Variants in ZDHHC15 observed in about 807,000 individuals in gnomAD.
ZDHHC15 encodes palmitoyltransferase ZDHHC15.
ZDHHC15 carries 19 observed loss-of-function variants against 31.7 expected under a neutral mutation model. The observed-to-expected ratio is 0.60, with a 90% confidence interval of 0.42 to 0.88. ZDHHC15 has a LOEUF of 0.88. ZDHHC15 is among the 40% of genes least tolerant of loss of function. The pLI is 0.00. For synonymous variants in ZDHHC15, 103 were observed against 90.0 expected (o/e 1.14, Z -0.82); for missense variants, 209 against 251.2 (o/e 0.83, Z 1.14).
chrX:75,436,662 G>A (rs2083855658), intron 4 of ZDHHC15, among the ~76,000 whole-genome samples: 1 of 111,963 alleles, frequency 8.9e-6, no homozygotes, highest in Non-Finnish European at 1.9e-5. Context: ...CCTACTAAAG[G>A]TGATTTCCAA....
At chrX:75,450,193 T>C (rs1357415448) in intron 4 of ZDHHC15, among the ~76,000 whole-genome samples, 3 of 111,974 alleles carry the variant, frequency 2.7e-5, no homozygotes. Flanking sequence ...ATGTACTCTG[T>C]GATTCCAATT....
At chrX:75,522,770 G>C in intron 1 of ZDHHC15, 119 bp downstream of exon 1, 1 of 987,587 alleles carries the variant, frequency 1.0e-6, no homozygotes, top group Middle Eastern at 2.9e-4. Flanking sequence ...ACTCTCCAGG[G>C]AGAGAAAGGA....
intron 2 of ZDHHC15, among the ~76,000 whole-genome samples, chrX:75,486,704 C>T: frequency 9.0e-6 from 1 of 111,513 alleles, no homozygotes; most frequent in Admixed American, 9.5e-5. Flanking sequence ...TGAGGCCTGT[C>T]ACTGCTGGCT....
chrX:75,485,613 C>T (rs190354548), intron 2 of ZDHHC15, among the ~76,000 whole-genome samples: 5 of 111,246 alleles, frequency 4.5e-5, no homozygotes, highest in African/African-American at 1.6e-4. Context: ...TCCAGCCCAG[C>T]CCACTGGAGA....
intron 1 of ZDHHC15, among the ~76,000 whole-genome samples, chrX:75,506,686 G>A (rs751181760): frequency 8.9e-6 from 1 of 112,394 alleles, no homozygotes; most frequent in Non-Finnish European, 1.9e-5. Flanking sequence ...TGGAAATGAA[G>A]CATTGATCAG....
chrX:75,418,319 C>T lies in ZDHHC15; in HGVS notation c.864-1129G>A, dbSNP rs2083573072. On this transcript the variant is annotated intron_variant, in intron 9 of 11. Transcript: ENST00000373367. ...GAGAAATTTTTCCATAATTACCACCCTACCCCCAACAAAGTTACCTCAACT... is the reference window on the plus strand; with the variant it reads ...GAGAAATTTTTCCATAATTACCACCTTACCCCCAACAAAGTTACCTCAACT... Among the ~76,000 whole-genome samples the T allele has an allele frequency of 8.1e-5, 9 of 111,604 alleles. No individual in the cohort carries two copies. In the South Asian group the frequency reaches 3.3e-3, roughly 41 times the overall value.
intron 10 of ZDHHC15, among the ~76,000 whole-genome samples, chrX:75,402,138 C>T (rs1398270663): frequency 2.7e-5 from 3 of 112,220 alleles, no homozygotes; most frequent in Admixed American, 9.4e-5. Context: ...TCCTGAATGA[C>T]TTTTAGGTAA....
intron 3 of ZDHHC15, among the ~76,000 whole-genome samples, chrX:75,452,659 A>T (rs780460268): frequency 8.9e-6 from 1 of 112,009 alleles, no homozygotes; most frequent in South Asian, 3.7e-4. Context: ...CCTCAAATGT[A>T]AAAGAACAGA....
intron 1 of ZDHHC15, among the ~76,000 whole-genome samples, chrX:75,510,543 T>C (rs1427233008): frequency 5.7e-5 from 6 of 105,087 alleles, no homozygotes; most frequent in Non-Finnish European, 1.2e-4. Context: ...CTTTTTTTTT[T>C]TTTATCTTTT....
At chrX:75,518,546 GT>G (rs1385823024) in intron 1 of ZDHHC15, among the ~76,000 whole-genome samples, 1 of 107,851 alleles carries the variant, frequency 9.3e-6, no homozygotes, top group Non-Finnish European at 1.9e-5. Context: ...ATGTAAAATG[GT>G]GCAGTCACTG....
intron 10 of ZDHHC15, among the ~76,000 whole-genome samples, chrX:75,414,523 C>T (rs1483872235): frequency 5.0e-5 from 5 of 100,419 alleles, no homozygotes; most frequent in African/African-American, 1.5e-4. Flanking sequence ...TCTGCCTCCT[C>T]GATTCATGCC....
chrX:75,497,442 G>C (rs182227058), intron 2 of ZDHHC15, among the ~76,000 whole-genome samples: 1 of 111,521 alleles, frequency 9.0e-6, no homozygotes, highest in Non-Finnish European at 1.9e-5. Context: ...TATTCCAAAA[G>C]ACAGAGACAA....
intron 3 of ZDHHC15, among the ~76,000 whole-genome samples, chrX:75,459,013 AAC>A (rs1491053921): frequency 1.5e-4 from 5 of 32,577 alleles, no homozygotes; most frequent in Non-Finnish European, 8.3e-4. Flanking sequence ...AAAAAAAAAC[AAC>A]CCCCAGCCAA....
chrX:75,488,686 G>T (rs1399479165), intron 2 of ZDHHC15, among the ~76,000 whole-genome samples: 1 of 112,283 alleles, frequency 8.9e-6, no homozygotes, highest in Non-Finnish European at 1.9e-5. Context: ...AGAGACGGGT[G>T]ATTGCTGCAT....
At chrX:75,502,130 G>A in intron 2 of ZDHHC15, 1 of 111,803 alleles carries the variant, frequency 8.9e-6, no homozygotes, top group Non-Finnish European at 1.9e-5. Context: ...CAATTCTGGA[G>A]GTTAGAAGTC....
At chrX:75,497,701 T>C (rs1247893356) in intron 2 of ZDHHC15, among the ~76,000 whole-genome samples, 5 of 111,410 alleles carry the variant, frequency 4.5e-5, no homozygotes, top group African/African-American at 1.6e-4. Flanking sequence ...TGATACACCA[T>C]ATAAATGGAA....
intron 2 of ZDHHC15, among the ~76,000 whole-genome samples, chrX:75,495,045 GCTAATATC>G (rs1346814392): frequency 1.8e-5 from 2 of 111,354 alleles, no homozygotes; most frequent in Non-Finnish European, 3.8e-5. Flanking sequence ...CTGTCAAAGG[GCTAATATC>G]CAGAATCTAC....
intron 3 of ZDHHC15, among the ~76,000 whole-genome samples, chrX:75,476,272 G>A (rs891942316): frequency 1.8e-5 from 2 of 109,605 alleles, no homozygotes; most frequent in African/African-American, 3.3e-5. Context: ...TAAGAAATTT[G>A]GGAAGGATTG....
chrX:75,499,975 T>C (rs1602741787), intron 2 of ZDHHC15, among the ~76,000 whole-genome samples: 1 of 111,823 alleles, frequency 8.9e-6, no homozygotes, highest in Non-Finnish European at 1.9e-5. Context: ...AATAAGATAA[T>C]GGCATTTTAT....
Sources: allele counts gnomAD v4.1 joint callset (sites outside exome capture counted in the v4.1 genomes callset), GRCh38; gene constraint gnomAD v4.1.1; transcripts MANE v1.5; gene names NCBI Gene and HGNC (gene_info 2026-07-23, HGNC 2026-07-21).